The following GALNT13 variants were observed in gnomAD, a reference collection of about 807,000 sequenced individuals.
GALNT13 encodes the protein UDP-GalNAc:polypeptide N-acetylgalactosaminyltransferase 13.
In GALNT13, 28 loss-of-function variants were observed where a neutral mutation model predicts 64.2. The ratio of observed to expected loss-of-function variants is 0.44; its 90% CI spans 0.32 to 0.60. The LOEUF (loss-of-function observed/expected upper bound fraction) is 0.60. Among genes scored for constraint, GALNT13 ranks in the 20% least tolerant of loss-of-function variants. The pLI is 0.05. For synonymous variants in GALNT13, 214 were observed against 224.6 expected, an observed-to-expected ratio of 0.95 and a Z score of 0.42; for missense variants, 577 against 669.8, an observed-to-expected ratio of 0.86 and a Z score of 1.53.
intron 9 of GALNT13, among the ~76,000 whole-genome samples, chr2:154,363,764 T>C (rs891929961): frequency 3.9e-5 from 6 of 152,200 alleles, no homozygotes; most frequent in Admixed American, 2.0e-4. Flanking sequence ...TTCCACATCA[T>C]GTTTATGCAA....
the GALNT13 span, among the ~76,000 whole-genome samples, chr2:153,504,432 C>T: frequency 0.36 from 54,159 of 151,942 alleles, 10,449 homozygotes; most frequent in East Asian, 0.77. Context: ...TGAATAGAAG[C>T]GGTGAAAGTG....
chr2:154,233,652 T>C (rs989799893), intron 4 of GALNT13, among the ~76,000 whole-genome samples: 2 of 152,170 alleles, frequency 1.3e-5, no homozygotes, highest in Non-Finnish European at 2.9e-5. Context: ...AATTAGTATA[T>C]CCACAAATGT....
chr2:153,553,536 C>A, the GALNT13 span, among the ~76,000 whole-genome samples: 1 of 152,096 alleles, frequency 6.6e-6, no homozygotes, highest in African/African-American at 2.4e-5. Context: ...TGGATGAGAG[C>A]AGGTCAATGA....
At chr2:154,259,922 G>T (rs900320348) in intron 8 of GALNT13, among the ~76,000 whole-genome samples, 5 of 152,030 alleles carry the variant, frequency 3.3e-5, no homozygotes, top group African/African-American at 9.7e-5. Flanking sequence ...CCATCACCCA[G>T]GCTGGAGTGG....
At chr2:153,780,665 G>A in the GALNT13 span, among the ~76,000 whole-genome samples, 8 of 152,014 alleles carry the variant, frequency 5.3e-5, no homozygotes, top group East Asian at 3.9e-4. Flanking sequence ...AGACATCCAC[G>A]TGGAGGAACT....
rs2105392456 is a variant in GALNT13, at chr2:154,409,025, C to A, written c.1338C>A (p.Gly446=). 6 of 1,611,308 alleles carry A rather than the reference C, an allele frequency of 3.7e-6. No homozygotes were observed. Among genetic ancestry groups the A allele is most frequent in the Non-Finnish European group, 4.2e-6 (5 of 1,178,080 alleles). The part of the protein sequence containing the change: ...VETNQCLDNM[G]RKENEKVGIF... ...CCAATCAGTGTTTAGACAACATGGG[C>A]CGCAAGGAAAATGAAAAAGTGGGTA... The change falls in exon 11 of 13, where the codon GGC becomes GGA. Residue 446 remains glycine (G), a synonymous_variant. Transcript: ENST00000392825.
chr2:153,191,778 A>T, the GALNT13 span, among the ~76,000 whole-genome samples: 1 of 145,532 alleles, frequency 6.9e-6, no homozygotes, highest in East Asian at 2.0e-4. Flanking sequence ...TTTCTTTCTT[A>T]TTCAACCTTG....
intron 3 of GALNT13, among the ~76,000 whole-genome samples, chr2:154,092,101 A>C (rs1150138): frequency 7.2e-6 from 1 of 139,442 alleles, no homozygotes; most frequent in African/African-American, 2.7e-5. Flanking sequence ...AAAAAAAAAA[A>C]GCTATAATTT....
At chr2:153,105,739 C>A in the GALNT13 span, among the ~76,000 whole-genome samples, 2 of 151,838 alleles carry the variant, frequency 1.3e-5, no homozygotes, top group Admixed American at 1.3e-4. Context: ...GACAGAGAGC[C>A]AAATCATGGG....
intron 4 of GALNT13, among the ~76,000 whole-genome samples, chr2:154,185,264 G>C (rs1436877214): frequency 6.6e-6 from 1 of 151,820 alleles, no homozygotes; most frequent in African/African-American, 2.4e-5. Context: ...TTCTATTACT[G>C]CTTTCAAAAT....
At chr2:154,418,837 A>G (rs1471804288) in intron 11 of GALNT13, among the ~76,000 whole-genome samples, 3 of 152,208 alleles carry the variant, frequency 2.0e-5, no homozygotes, top group Non-Finnish European at 2.9e-5. Context: ...TTGGAAACAT[A>G]CATGATTTCA....
chr2:153,224,848 G>A, the GALNT13 span, among the ~76,000 whole-genome samples: 7 of 152,250 alleles, frequency 4.6e-5, no homozygotes, highest in South Asian at 1.4e-3. Flanking sequence ...TTGAATTAAT[G>A]ACAACCTTTC....
the GALNT13 span, among the ~76,000 whole-genome samples, chr2:153,440,637 G>T: frequency 2.6e-5 from 4 of 151,894 alleles, no homozygotes; most frequent in Non-Finnish European, 5.9e-5. Context: ...TTTAATGATC[G>T]CCATTCTATC....
the GALNT13 span, among the ~76,000 whole-genome samples, chr2:153,364,366 T>C: frequency 6.6e-6 from 1 of 151,640 alleles, no homozygotes; most frequent in Admixed American, 6.6e-5. Flanking sequence ...CTGTTCAACA[T>C]ACTATTGGAA....
At chr2:154,274,960 A>C (rs1336396569) in intron 8 of GALNT13, among the ~76,000 whole-genome samples, 1 of 152,112 alleles carries the variant, frequency 6.6e-6, no homozygotes, top group Non-Finnish European at 1.5e-5. Context: ...GTGGTCTCAG[A>C]GATGGGGAAC....
At chr2:153,662,430 G>T in the GALNT13 span, among the ~76,000 whole-genome samples, 16 of 152,138 alleles carry the variant, frequency 1.1e-4, no homozygotes, top group Admixed American at 1.0e-3. Context: ...TCTCTGCTCT[G>T]CAGGGAACTT....
the GALNT13 span, among the ~76,000 whole-genome samples, chr2:153,641,267 G>C: frequency 1.3e-5 from 2 of 152,060 alleles, no homozygotes; most frequent in Non-Finnish European, 2.9e-5. Context: ...ACCACATCCT[G>C]TATGAAACAG....
intron 4 of GALNT13, among the ~76,000 whole-genome samples, chr2:154,147,291 T>G (rs1683664241): frequency 6.6e-6 from 1 of 151,206 alleles, no homozygotes; most frequent in South Asian, 2.1e-4. Flanking sequence ...CGGTTTTACA[T>G]TAGAGAATGG....
downstream of GALNT13, among the ~76,000 whole-genome samples, chr2:154,454,122 A>T (rs1701975247): frequency 6.6e-6 from 1 of 152,132 alleles, no homozygotes; most frequent in Admixed American, 6.5e-5. Flanking sequence ...AAGAACTATT[A>T]CTAAATTTAT....
Sources: gnomAD v4.1 joint callset for allele counts (sites outside exome capture counted in the v4.1 genomes callset) on GRCh38, gnomAD v4.1.1 for gene constraint, MANE v1.5 for transcripts, NCBI Gene and HGNC (gene_info 2026-07-23, HGNC 2026-07-21) for gene names.